Variants in FHIT observed in about 807,000 individuals in gnomAD.
FHIT encodes the protein fragile histidine triad diadenosine triphosphatase.
In FHIT, 19 loss-of-function variants were observed where a neutral mutation model predicts 17.9. The ratio of observed to expected loss-of-function variants is 1.06; its 90% CI spans 0.74 to 1.56. FHIT has a LOEUF of 1.56. Among genes scored for constraint, FHIT ranks in the 40% most tolerant of loss-of-function variants. The pLI is 0.00. For synonymous variants in FHIT, 81 were observed against 69.7 expected (o/e 1.16, Z -0.81); for missense variants, 248 against 189.2 (o/e 1.31, Z -1.82).
intron 5 of FHIT, among the ~76,000 whole-genome samples, chr3:60,068,090 G>C (rs1702599000): frequency 6.6e-6 from 1 of 152,094 alleles, no homozygotes; most frequent in Admixed American, 6.6e-5. Flanking sequence ...ACAAAAATTA[G>C]CCAAGTGTGA....
chr3:60,672,409 A>C (rs1553694170), intron 4 of FHIT, among the ~76,000 whole-genome samples: 1 of 152,010 alleles, frequency 6.6e-6, no homozygotes, highest in Non-Finnish European at 1.5e-5. Context: ...TGGGGGTCGC[A>C]AGGTGCTCAG....
intron 2 of FHIT, among the ~76,000 whole-genome samples, chr3:61,100,593 G>A (rs1374000534): frequency 6.6e-6 from 1 of 152,118 alleles, no homozygotes; most frequent in Non-Finnish European, 1.5e-5. Context: ...GGATTGCTGG[G>A]TCAAATGGTA....
intron 6 of FHIT, 49 bp downstream of exon 6, chr3:60,013,958 G>A (rs370854552): frequency 1.8e-5 from 28 of 1,583,750 alleles, no homozygotes; most frequent in Admixed American, 1.2e-4. Flanking sequence ...GCCCAATGCC[G>A]GGATATGAAA....
intron 5 of FHIT, among the ~76,000 whole-genome samples, chr3:60,438,938 A>G (rs2030540971): frequency 6.6e-6 from 1 of 152,284 alleles, no homozygotes; most frequent in South Asian, 2.1e-4. Flanking sequence ...CTTTTAGTGT[A>G]TTTACATGAT....
At position 60,627,648 on chromosome 3, in the gene FHIT, C is replaced by T. The variant is rs1416012499; in HGVS notation, c.-17-90669G>A. ...AAGCAATTCTTCTGCCTCAGCTTCC[C>T]GAGTAGCTGGGACTACAGGCATGTG... On this transcript the variant is annotated intron_variant, in intron 4 of 9. Coordinates refer to ENST00000492590, the MANE Select transcript of FHIT (RefSeq NM_002012.4). Among the ~76,000 whole-genome samples, 3 of 152,032 alleles carry T rather than the reference C, an allele frequency of 2.0e-5. No individual in the cohort carries two copies. The East Asian group carries it at 5.8e-4, about 29-fold the overall frequency.
At chr3:60,604,514 G>A (rs1175955738) in intron 4 of FHIT, among the ~76,000 whole-genome samples, 2 of 152,220 alleles carry the variant, frequency 1.3e-5, no homozygotes, top group African/African-American at 2.4e-5. Context: ...AAGGTTTTAA[G>A]TATGAAAGGG....
intron 8 of FHIT, among the ~76,000 whole-genome samples, chr3:59,903,333 A>G (rs1281680915): frequency 1.3e-5 from 2 of 152,172 alleles, no homozygotes; most frequent in Admixed American, 6.5e-5. Context: ...TTTGGGGGTG[A>G]TGAAATTATT....
At chr3:60,152,065 A>C (rs1228554737) in intron 5 of FHIT, among the ~76,000 whole-genome samples, 10 of 152,150 alleles carry the variant, frequency 6.6e-5, no homozygotes, top group Admixed American at 6.5e-4. Context: ...TCAATAAATG[A>C]ATCTTCCAAC....
intron 5 of FHIT, among the ~76,000 whole-genome samples, chr3:60,097,260 G>C (rs541422816): frequency 6.6e-6 from 1 of 152,138 alleles, no homozygotes; most frequent in South Asian, 2.1e-4. Flanking sequence ...CCAAACAGAA[G>C]ATGAGGAGCT....
chr3:60,617,352 G>A (rs1336762459), intron 4 of FHIT: 3 of 201,706 alleles, frequency 1.5e-5, no homozygotes, highest in Non-Finnish European at 2.2e-5. Context: ...GGATTTACCT[G>A]TAAATGCCTT....
intron 5 of FHIT, among the ~76,000 whole-genome samples, chr3:60,055,130 T>C (rs182523701): frequency 6.6e-6 from 1 of 152,310 alleles, no homozygotes; most frequent in Admixed American, 6.5e-5. Flanking sequence ...ACACCTCATA[T>C]ACTTTTCTCA....
chr3:59,858,236 CTTTTTTTTTTTTTTTTTT>C (rs563841299), intron 8 of FHIT, among the ~76,000 whole-genome samples: 1 of 84,454 alleles, frequency 1.2e-5, no homozygotes, highest in Non-Finnish European at 2.1e-5. Context: ...TTCCCACCTT[CTTTTTTTTTTTTTTTTTT>C]TTTTTTTGAG....
rs77236887 is a variant in FHIT, at chr3:60,944,449, G to A, written c.-111+97598C>T. Among the ~76,000 whole-genome samples, 680 of 152,192 alleles carry A rather than the reference G, an allele frequency of 4.5e-3. 5 individuals are homozygous for A. The highest frequency in any genetic ancestry group is 0.016 in the African/African-American group (655 of 41,526). ...GTCAGTGAGCACATCTGGCTGCTAG[G>A]TTGGCATGTCCTAATGCTAAAATTG... On this transcript the variant is annotated intron_variant, in intron 3 of 9. Transcript: ENST00000492590.
chr3:60,144,744 C>CACCAAATAGTG (rs1700170921), intron 5 of FHIT, among the ~76,000 whole-genome samples: 1 of 152,048 alleles, frequency 6.6e-6, no homozygotes, highest in Non-Finnish European at 1.5e-5. Context: ...TGAAAACCTT[C>CACCAAATAGTG]AATAGCCTCT....
intron 3 of FHIT, among the ~76,000 whole-genome samples, chr3:60,963,506 T>C (rs1433450901): frequency 6.6e-6 from 1 of 152,252 alleles, no homozygotes; most frequent in Non-Finnish European, 1.5e-5. Context: ...TGTCTAGTTC[T>C]TTTAATTGTG....
intron 5 of FHIT, among the ~76,000 whole-genome samples, chr3:60,326,137 G>A (rs1709681594): frequency 6.6e-6 from 1 of 152,126 alleles, no homozygotes; most frequent in Non-Finnish European, 1.5e-5. Context: ...TTCCACAGAT[G>A]GGGGTGGAGT....
intron 4 of FHIT, among the ~76,000 whole-genome samples, chr3:60,818,620 T>C (rs1369857023): frequency 1.3e-5 from 2 of 152,190 alleles, no homozygotes; most frequent in Non-Finnish European, 2.9e-5. Flanking sequence ...TATCATGAAA[T>C]GTTCTCCTTC....
At chr3:60,194,777 C>G (rs1379746407) in intron 5 of FHIT, among the ~76,000 whole-genome samples, 1 of 152,092 alleles carries the variant, frequency 6.6e-6, no homozygotes, top group Non-Finnish European at 1.5e-5. Flanking sequence ...GGGCAAAGGA[C>G]ATGAACAGAC....
chr3:60,905,411 C>G (rs1338917368), intron 3 of FHIT, among the ~76,000 whole-genome samples: 1 of 152,150 alleles, frequency 6.6e-6, no homozygotes, highest in Non-Finnish European at 1.5e-5. Flanking sequence ...AACTATGTGT[C>G]TATTTCCTTT....
Sources: allele counts gnomAD v4.1 joint callset (sites outside exome capture counted in the v4.1 genomes callset), GRCh38; gene constraint gnomAD v4.1.1; transcripts MANE v1.5; gene names NCBI Gene and HGNC (gene_info 2026-07-23, HGNC 2026-07-21).